PCBP3: variants seen among roughly 807,000 people sequenced by gnomAD.
The protein encoded by PCBP3 is poly(rC) binding protein 3, also known as poly(rC)-binding protein 3.
PCBP3 carries 25 observed loss-of-function variants against 52.7 expected under a neutral mutation model. That is an observed-to-expected ratio of 0.47 (90% CI 0.35 to 0.66). The LOEUF (loss-of-function observed/expected upper bound fraction) is 0.66, where lower values mean the gene tolerates loss of function less well. Ranked by LOEUF, PCBP3 falls within the 30% of genes least tolerant of loss-of-function variation. The probability of loss-of-function intolerance (pLI) is 0.01; values close to 1 mark genes in which losing one functional copy is unlikely to be tolerated. For missense variants in PCBP3, 391 were observed against 490.3 expected (o/e 0.80, Z 1.91); for synonymous variants, 162 against 183.0 (o/e 0.89, Z 0.93).
At chr21:45,757,066 AT>A (rs2088126803) in intron 4 of PCBP3, among the ~76,000 whole-genome samples, 3 of 152,248 alleles carry the variant, frequency 2.0e-5, no homozygotes, top group Admixed American at 2.0e-4. Flanking sequence ...GTGTAGTGTC[AT>A]ATCTTAACTC....
intron 2 of PCBP3, among the ~76,000 whole-genome samples, chr21:45,709,634 A>G (rs2083696852): frequency 1.3e-5 from 2 of 152,014 alleles, no homozygotes. Flanking sequence ...TATGATGAGG[A>G]TGGTACAGAG....
intron 2 of PCBP3, among the ~76,000 whole-genome samples, chr21:45,714,547 T>C (rs984116207): frequency 1.3e-5 from 2 of 152,184 alleles, no homozygotes; most frequent in African/African-American, 4.8e-5. Flanking sequence ...TTGAAAATCA[T>C]ATAACTTGAA....
intron 4 of PCBP3, among the ~76,000 whole-genome samples, chr21:45,781,882 A>G (rs1039045016): frequency 1.3e-5 from 2 of 152,210 alleles, no homozygotes; most frequent in Admixed American, 1.3e-4. Flanking sequence ...TTGCCTTCTG[A>G]CGCTACAGAA....
intron 13 of PCBP3, among the ~76,000 whole-genome samples, chr21:45,929,631 G>A (rs1294640737): frequency 6.6e-6 from 1 of 152,220 alleles, no homozygotes; most frequent in East Asian, 1.9e-4. Context: ...ACACCAGCTG[G>A]TGAGAGGGAG....
intron 4 of PCBP3, among the ~76,000 whole-genome samples, chr21:45,755,656 G>A (rs989556483): frequency 1.3e-5 from 2 of 152,110 alleles, no homozygotes; most frequent in African/African-American, 4.8e-5. Context: ...GTTTTAATTT[G>A]CATTTTCCTG....
intron 3 of PCBP3, among the ~76,000 whole-genome samples, chr21:45,752,128 A>G (rs1246049798): frequency 6.6e-6 from 1 of 152,006 alleles, no homozygotes; most frequent in Non-Finnish European, 1.5e-5. Context: ...TTTTATTTTT[A>G]TAGTCAAATT....
chr21:45,821,564 C>T lies in PCBP3; in HGVS notation c.-125-28397C>T, dbSNP rs1342246847. Among the ~76,000 whole-genome samples, 2 of 152,088 alleles carry T rather than the reference C, an allele frequency of 1.3e-5. No homozygotes were observed. Among genetic ancestry groups the T allele is most frequent in the Admixed American group, 6.6e-5 (1 of 15,262 alleles). ...CCTGCCTGCACCCTGCTGTGGGCCC[C>T]GCCCCCTCCCCTAACTCATTTCTAG... On this transcript the variant is annotated intron_variant, in intron 4 of 17. Transcript: ENST00000681687. This position sits in a 1 kb window ranked among gnomAD's most constrained non-coding sequence, Gnocchi z 4.4.
chr21:45,794,793 G>A (rs958480798), intron 4 of PCBP3, among the ~76,000 whole-genome samples: 7 of 152,150 alleles, frequency 4.6e-5, no homozygotes, highest in African/African-American at 1.4e-4. Flanking sequence ...GCCGGGCGTG[G>A]TGGCAGGTGC....
chr21:45,660,283 C>G (rs1046171322), intron 1 of PCBP3, among the ~76,000 whole-genome samples: 4 of 151,954 alleles, frequency 2.6e-5, no homozygotes, highest in Admixed American at 6.6e-5. Context: ...GTTAATATAG[C>G]CATTCAAGCT....
chr21:45,677,059 G>A (rs2081515050), intron 2 of PCBP3, among the ~76,000 whole-genome samples: 1 of 152,062 alleles, frequency 6.6e-6, no homozygotes, highest in African/African-American at 2.4e-5. Context: ...CACTGCGCCT[G>A]GCCACGTCTC....
chr21:45,913,868 G>A (rs2096453621), intron 11 of PCBP3, 83 bp from the exon 12 acceptor site: 1 of 1,281,044 alleles, frequency 7.8e-7, no homozygotes, highest in Admixed American at 1.9e-5. Flanking sequence ...GGGCTGAGTG[G>A]GGTGGGCCGG....
At chr21:45,835,866 A>G (rs1244523707) in intron 4 of PCBP3, among the ~76,000 whole-genome samples, 1 of 151,840 alleles carries the variant, frequency 6.6e-6, no homozygotes, top group South Asian at 2.1e-4. Context: ...AGAGCGCAGA[A>G]AGCCAGTGTC....
At position 45,817,638 on chromosome 21, in the gene PCBP3, CGAG is replaced by C. The variant is rs1391976011; in HGVS notation, c.-125-32319_-125-32317del. On this transcript the variant is annotated intron_variant, in intron 4 of 17. Coordinates refer to ENST00000681687, the MANE Select transcript of PCBP3 (RefSeq NM_001384156.1). This position sits in a 1 kb window ranked among gnomAD's most constrained non-coding sequence, Gnocchi z 4.3. Reference sequence around the variant, plus strand: ...GTGGACGCAGCTAGAAAGCAGCCGGCGAGGAGCTCAGCGTGTGTCTCCGCCGGG... The same window carrying C: ...GTGGACGCAGCTAGAAAGCAGCCGGCGAGCTCAGCGTGTGTCTCCGCCGGG... Among the ~76,000 whole-genome samples, 1 of 152,056 alleles carries C rather than the reference CGAG, an allele frequency of 6.6e-6. No homozygotes were observed. The highest frequency in any genetic ancestry group is 1.5e-5 in the Non-Finnish European group (1 of 68,044).
At chr21:45,738,480 T>TG (rs1381846797) in intron 3 of PCBP3, among the ~76,000 whole-genome samples, 1 of 151,754 alleles carries the variant, frequency 6.6e-6, no homozygotes, top group Admixed American at 6.5e-5. Flanking sequence ...GGTCTCGATC[T>TG]CCTGACCTCG....
At position 45,928,562 on chromosome 21, in the gene PCBP3, CTG is replaced by C. The variant is rs553194189; in HGVS notation, c.718-1352_718-1351del. 5.9e-5 allele frequency among the ~76,000 whole-genome samples: 9 copies of C among 152,330 alleles called. No homozygotes were observed. The South Asian group carries it at 1.9e-3, about 32-fold the overall frequency. On this transcript the variant is annotated intron_variant, in intron 13 of 17. Coordinates refer to ENST00000681687, the MANE Select transcript of PCBP3 (RefSeq NM_001384156.1). The surrounding 1 kb of genome is among the most constrained non-coding windows in gnomAD (Gnocchi z 4.1). ...GGGACCACAGTCGCCGCATTCCTGA[CTG>C]TGCTCCCTGGTGTCAGGGAACCCAG...
intron 4 of PCBP3, among the ~76,000 whole-genome samples, chr21:45,789,035 G>A (rs968958595): frequency 6.6e-6 from 1 of 152,224 alleles, no homozygotes; most frequent in African/African-American, 2.4e-5. Flanking sequence ...CCTGGGCTTA[G>A]AACACAGTGA....
intron 5 of PCBP3, among the ~76,000 whole-genome samples, chr21:45,884,045 C>A (rs1277899908): frequency 6.6e-6 from 1 of 152,120 alleles, no homozygotes; most frequent in African/African-American, 2.4e-5. Flanking sequence ...GTGATCCCCC[C>A]ACCCCAGCCT....
intron 5 of PCBP3, among the ~76,000 whole-genome samples, chr21:45,895,022 G>T (rs368862142): frequency 2.6e-4 from 40 of 152,314 alleles, no homozygotes; most frequent in Middle Eastern, 6.8e-3. Context: ...TTAAGCACAG[G>T]TGTAGACAGC....
rs568098171 is a variant in PCBP3 at position 45,647,303 on chromosome 21, C to A, written c.-279+3435C>A. On this transcript the variant is annotated intron_variant, in intron 1 of 17. Coordinates refer to ENST00000681687, the MANE Select transcript of PCBP3 (RefSeq NM_001384156.1). ...CAAGCTTCAGAAATACTCCCTGATT[C>A]CCTACTGTTTGCCATTTCCTATGCT... 6.6e-5 allele frequency among the ~76,000 whole-genome samples: 10 copies of A among 152,322 alleles called. No homozygotes were observed. The South Asian group carries it at 2.1e-3, about 32-fold the overall frequency.
Sources: gnomAD v4.1 joint callset for allele counts (sites outside exome capture counted in the v4.1 genomes callset) on GRCh38, gnomAD v4.1.1 for gene constraint, Gnocchi (gnomAD v3.1) non-coding constraint, MANE v1.5 for transcripts, NCBI Gene and HGNC (gene_info 2026-07-23, HGNC 2026-07-21) for gene names.